The following GRID2 variants were observed in gnomAD, a reference collection of about 807,000 sequenced individuals.
GRID2 encodes glutamate receptor ionotropic, delta-2.
In GRID2, 33 loss-of-function variants were observed where a neutral mutation model predicts 114.8. The ratio of observed to expected loss-of-function variants is 0.29; its 90% CI spans 0.22 to 0.38. The LOEUF (loss-of-function observed/expected upper bound fraction) is 0.38. GRID2 is among the 10% of genes least tolerant of loss of function. The pLI is 1.00. For missense variants in GRID2, 1,184 were observed against 1,257.7 expected, an observed-to-expected ratio of 0.94 and a Z score of 0.89; for synonymous variants, 505 against 449.9, an observed-to-expected ratio of 1.12 and a Z score of -1.55.
At chr4:93,398,947 C>A (rs572501894) in intron 9 of GRID2, among the ~76,000 whole-genome samples, 1 of 151,970 alleles carries the variant, frequency 6.6e-6, no homozygotes, top group African/African-American at 2.4e-5. Context: ...TCTACAAGTG[C>A]CTTTTCAGGT....
intron 2 of GRID2, among the ~76,000 whole-genome samples, chr4:92,925,954 G>T (rs1457916713): frequency 1.3e-5 from 2 of 151,910 alleles, no homozygotes; most frequent in Non-Finnish European, 2.9e-5. Context: ...GTGTGTTTTT[G>T]TAGTCACTAC....
downstream of GRID2, among the ~76,000 whole-genome samples, chr4:93,775,917 C>A (rs2110346975): frequency 6.6e-6 from 1 of 152,258 alleles, no homozygotes; most frequent in African/African-American, 2.4e-5. Context: ...ATAGACTTTA[C>A]CGAATGGTAC....
chr4:92,605,599 A>C (rs933397945), intron 2 of GRID2, among the ~76,000 whole-genome samples: 1 of 152,078 alleles, frequency 6.6e-6, no homozygotes, highest in African/African-American at 2.4e-5. Flanking sequence ...CAAACAAAAA[A>C]CCTTTAAGAT....
chr4:93,675,385 T>A (rs1046156459), intron 14 of GRID2, among the ~76,000 whole-genome samples: 1 of 152,228 alleles, frequency 6.6e-6, no homozygotes, highest in Non-Finnish European at 1.5e-5. Context: ...AAGTACATGA[T>A]ACTTTGATAG....
intron 3 of GRID2, among the ~76,000 whole-genome samples, chr4:93,107,771 G>C (rs1487291903): frequency 6.6e-6 from 1 of 152,054 alleles, no homozygotes; most frequent in East Asian, 1.9e-4. Flanking sequence ...TGGGGTTTCA[G>C]ACATGAGCCA....
At position 92,699,760 on chromosome 4, in the gene GRID2, T is replaced by G. The variant is rs150425281; in HGVS notation, c.244+109474T>G. Among the ~76,000 whole-genome samples, 15 of 152,298 alleles carry G rather than the reference T, an allele frequency of 9.8e-5. No homozygotes were observed. The East Asian group carries it at 2.9e-3, about 29-fold the overall frequency. ...ATAAGACAATGACTTCTGTCTTCAG[T>G]GTTCTCTTTCTTCTGTAAGTCCTGG... On this transcript the variant is annotated intron_variant, in intron 2 of 15. Coordinates refer to ENST00000282020, the MANE Select transcript of GRID2 (RefSeq NM_001510.4).
chr4:93,053,705 A>T (rs1726943575), intron 2 of GRID2, among the ~76,000 whole-genome samples: 1 of 151,960 alleles, frequency 6.6e-6, no homozygotes, highest in Non-Finnish European at 1.5e-5. Context: ...ACCTCAAATA[A>T]CGAAATGCCA....
At chr4:93,036,165 A>G (rs1724914872) in intron 2 of GRID2, among the ~76,000 whole-genome samples, 1 of 152,082 alleles carries the variant, frequency 6.6e-6, no homozygotes, top group African/African-American at 2.4e-5. Flanking sequence ...AAAGGTGGCA[A>G]TAATCTTCTT....
chr4:92,890,359 T>G (rs138073087), intron 2 of GRID2, among the ~76,000 whole-genome samples: 140 of 152,234 alleles, frequency 9.2e-4, no homozygotes, highest in Non-Finnish European at 1.6e-3. Flanking sequence ...ATTTTTGCAA[T>G]CTATCCATCT....
chr4:93,308,972 A>C (rs1435546593), intron 8 of GRID2, among the ~76,000 whole-genome samples: 1 of 152,206 alleles, frequency 6.6e-6, no homozygotes, highest in Admixed American at 6.5e-5. Flanking sequence ...GCCAACAGCC[A>C]CACTATCTAA....
At chr4:93,338,960 C>T (rs766430008) in intron 8 of GRID2, among the ~76,000 whole-genome samples, 9 of 152,052 alleles carry the variant, frequency 5.9e-5, no homozygotes, top group Admixed American at 1.3e-4. Flanking sequence ...ATTGTGATTT[C>T]GGCCTGACTT....
At chr4:93,797,979 C>G (rs1453480070) in intron 1 of GRID2, among the ~76,000 whole-genome samples, 1 of 151,778 alleles carries the variant, frequency 6.6e-6, no homozygotes, top group Non-Finnish European at 1.5e-5. Flanking sequence ...ATGTCAAAAC[C>G]CCGTCTCTAC....
rs749790235 is a variant in GRID2, at chr4:92,460,032, C to CTCTATA, written c.89-130098_89-130097insCTATAT. 5.3e-3 allele frequency among the ~76,000 whole-genome samples: 257 copies of CTCTATA among 48,456 alleles called. 21 individuals are homozygous for CTCTATA. The Middle Eastern group carries it at 0.087, about 16-fold the overall frequency. 31.8% of individuals were successfully genotyped at this position (48,456 alleles called of 152,430 possible). On this transcript the variant is annotated intron_variant, in intron 1 of 15. Transcript: ENST00000282020. ...AGCCCATTCCTTAAAATAAATCTCA[C>CTCTATA]TATATATATATATATATATATACAC...
intron 2 of GRID2, among the ~76,000 whole-genome samples, chr4:93,005,191 T>C (rs563583671): frequency 1.6e-4 from 25 of 152,196 alleles, no homozygotes; most frequent in African/African-American, 5.8e-4. Flanking sequence ...ATAAACCTGT[T>C]CCTCTCTTAA....
At chr4:92,399,513 A>T (rs1304687389) in intron 1 of GRID2, among the ~76,000 whole-genome samples, 2 of 152,136 alleles carry the variant, frequency 1.3e-5, no homozygotes, top group African/African-American at 4.8e-5. Flanking sequence ...CTGTATTCTT[A>T]TTCGCTGACA....
At chr4:93,445,799 G>T (rs1722039800) in intron 10 of GRID2, among the ~76,000 whole-genome samples, 1 of 151,856 alleles carries the variant, frequency 6.6e-6, no homozygotes, top group Non-Finnish European at 1.5e-5. Context: ...TTCCATTAAA[G>T]AAATTTTTAA....
At chr4:93,441,832 T>C (rs1437630069) in intron 10 of GRID2, among the ~76,000 whole-genome samples, 1 of 149,024 alleles carries the variant, frequency 6.7e-6, no homozygotes. Flanking sequence ...TGGCAGGCTT[T>C]AAAATAAGTA....
intron 2 of GRID2, among the ~76,000 whole-genome samples, chr4:93,078,055 C>T (rs557059714): frequency 2.6e-5 from 4 of 152,230 alleles, no homozygotes; most frequent in Non-Finnish European, 5.9e-5. Context: ...TTGCCTCTCC[C>T]GCCATTCTAA....
At chr4:93,591,482 A>G (rs942617360) in intron 13 of GRID2, among the ~76,000 whole-genome samples, 4 of 152,138 alleles carry the variant, frequency 2.6e-5, no homozygotes, top group Non-Finnish European at 5.9e-5. Context: ...GGATTTTTGC[A>G]TCAATGTTCA....
Sources: gnomAD v4.1 joint callset for allele counts (sites outside exome capture counted in the v4.1 genomes callset) on GRCh38, gnomAD v4.1.1 for gene constraint, MANE v1.5 for transcripts, NCBI Gene and HGNC (gene_info 2026-07-23, HGNC 2026-07-21) for gene names.